The following VAX2 variants were observed in gnomAD, a reference collection of about 807,000 sequenced individuals.
The protein encoded by VAX2 is ventral anterior homeobox 2.
A neutral mutation model predicts 12.5 loss-of-function variants in VAX2; 8 were observed. The ratio of observed to expected loss-of-function variants is 0.64; its 90% CI spans 0.37 to 1.15. VAX2 has a LOEUF of 1.15. Among genes scored for constraint, VAX2 ranks in the 50% most tolerant of loss-of-function variants. The pLI is 0.01. For synonymous variants in VAX2, 183 were observed against 187.6 expected (o/e 0.98, Z 0.20); for missense variants, 476 against 412.9 (o/e 1.15, Z -1.32).
At chr2:70,916,987 C>T (rs1168486822) in intron 1 of VAX2, among the ~76,000 whole-genome samples, 1 of 151,950 alleles carries the variant, frequency 6.6e-6, no homozygotes, top group Admixed American at 6.6e-5. Context: ...CCCATCTCTA[C>T]TAAAAATACA....
rs1679453287 is a variant in VAX2 at position 70,921,303 on chromosome 2, G to C, written c.435+18G>C. 3 of 1,583,948 alleles carry C rather than the reference G, an allele frequency of 1.9e-6. No individual in the cohort carries two copies. The highest frequency in any genetic ancestry group is 2.6e-6 in the Non-Finnish European group (3 of 1,165,166). On this transcript the variant is annotated intron_variant, in intron 2 of 2. Transcript: ENST00000234392. ...AGACCCAGGTAAGAGACCAGGGCCAGGCCACTCCACTCTTGTCCTGGCAGC... is the reference window on the plus strand; with the variant it reads ...AGACCCAGGTAAGAGACCAGGGCCACGCCACTCCACTCTTGTCCTGGCAGC...
intron 2 of VAX2, among the ~76,000 whole-genome samples, chr2:70,924,995 AAC>A (rs1558661278): frequency 6.6e-6 from 1 of 152,172 alleles, no homozygotes; most frequent in South Asian, 2.1e-4. Flanking sequence ...GCAAGGGAGA[AAC>A]AGCCAGATGA....
intron 2 of VAX2, among the ~76,000 whole-genome samples, chr2:70,927,725 C>T (rs1040762055): frequency 7.2e-5 from 11 of 152,014 alleles, no homozygotes; most frequent in African/African-American, 1.2e-4. Context: ...TCCTGGTGCG[C>T]GGCCATGGAT....
At chr2:70,902,122 C>T (rs2104753863) in intron 1 of VAX2, among the ~76,000 whole-genome samples, 1 of 152,322 alleles carries the variant, frequency 6.6e-6, no homozygotes, top group African/African-American at 2.4e-5. Flanking sequence ...CTCAAGCTGA[C>T]TGGGACACCC....
intron 1 of VAX2, among the ~76,000 whole-genome samples, chr2:70,913,046 A>G (rs1275002040): frequency 1.3e-5 from 2 of 152,232 alleles, no homozygotes; most frequent in Non-Finnish European, 2.9e-5. Flanking sequence ...AGCAACTCAA[A>G]AAAAGAGGAC....
chr2:70,913,558 C>T (rs1553411505), intron 1 of VAX2, among the ~76,000 whole-genome samples: 1 of 152,016 alleles, frequency 6.6e-6, no homozygotes, highest in African/African-American at 2.4e-5. Flanking sequence ...TGCCTGTAAT[C>T]TCAACTACTC....
intron 1 of VAX2, among the ~76,000 whole-genome samples, chr2:70,908,400 GATA>G (rs1553410830): frequency 6.6e-6 from 1 of 152,106 alleles, no homozygotes; most frequent in African/African-American, 2.4e-5. Context: ...TGTCCTTCCA[GATA>G]ATGTTTATGC....
At chr2:70,930,085 G>A (rs1249419046) in intron 2 of VAX2, among the ~76,000 whole-genome samples, 1 of 152,158 alleles carries the variant, frequency 6.6e-6, no homozygotes, top group Non-Finnish European at 1.5e-5. Flanking sequence ...TGTAGTCCCA[G>A]AACTTGGGAG....
At chr2:70,909,173 T>C (rs1385998692) in intron 1 of VAX2, among the ~76,000 whole-genome samples, 2 of 152,094 alleles carry the variant, frequency 1.3e-5, no homozygotes, top group Non-Finnish European at 2.9e-5. Flanking sequence ...TGTCATTATA[T>C]TTATTTTTTA....
chr2:70,911,871 C>T (rs1347642014), intron 1 of VAX2, among the ~76,000 whole-genome samples: 5 of 152,342 alleles, frequency 3.3e-5, no homozygotes, highest in Non-Finnish European at 7.3e-5. Flanking sequence ...GTCTCTTACC[C>T]TGCAGATGCG....
intron 2 of VAX2, among the ~76,000 whole-genome samples, chr2:70,931,188 G>C (rs1553414262): frequency 6.6e-6 from 1 of 152,214 alleles, no homozygotes; most frequent in African/African-American, 2.4e-5. Context: ...AGTAGGAAGG[G>C]GTTTGGAGCA....
rs1229535223 is a variant in VAX2, at chr2:70,904,584, C to T, written c.247+3716C>T. On this transcript the variant is annotated intron_variant, in intron 1 of 2. Coordinates refer to ENST00000234392, the MANE Select transcript of VAX2 (RefSeq NM_012476.3). This position sits in a 1 kb window ranked among gnomAD's most constrained non-coding sequence, Gnocchi z 4.2. ...GCGGCCTCTCTGGGCTGACAGCCAC[C>T]CCTGCGGGTCCTCAAACCCCACTCG... is the stretch of plus-strand genomic sequence containing the variant. Among the ~76,000 whole-genome samples, 1 of 152,208 alleles carries T rather than the reference C, an allele frequency of 6.6e-6. No individual in the cohort carries two copies. The highest frequency in any genetic ancestry group is 1.5e-5 in the Non-Finnish European group (1 of 68,036).
chr2:70,918,863 CAAAA>C (rs531465293), intron 1 of VAX2, among the ~76,000 whole-genome samples: 10 of 99,424 alleles, frequency 1.0e-4, no homozygotes, highest in Admixed American at 1.2e-4. Context: ...CCAGCCGTCT[CAAAA>C]AAAAAAAAAA....
chr2:70,925,263 T>A (rs1381545988), intron 2 of VAX2, among the ~76,000 whole-genome samples: 1 of 151,898 alleles, frequency 6.6e-6, no homozygotes, highest in Non-Finnish European at 1.5e-5. Context: ...GGGAAAGGAG[T>A]GGACAGGTGT....
chr2:70,921,089 C>G lies in VAX2; in HGVS notation c.248-9C>G, dbSNP rs201783271. 9.2e-5 allele frequency: 146 copies of G among 1,579,434 alleles called. No homozygotes were observed. The East Asian group carries it at 3.2e-3, about 34-fold the overall frequency. On this transcript the variant is annotated splice_polypyrimidine_tract_variant and intron_variant, in intron 1 of 2. Coordinates refer to ENST00000234392, the MANE Select transcript of VAX2 (RefSeq NM_012476.3). ...TGAACTAAGCTGGCTCCTTTCATGG[C>G]CTCTGCAGATGCCAAAGGGACAATT...
chr2:70,914,285 T>C (rs1229936592), intron 1 of VAX2, among the ~76,000 whole-genome samples: 1 of 152,050 alleles, frequency 6.6e-6, no homozygotes, highest in Non-Finnish European at 1.5e-5. Flanking sequence ...CTGTCTCTAC[T>C]AAAAAATTAC....
chr2:70,906,434 G>C (rs1553410593), intron 1 of VAX2, among the ~76,000 whole-genome samples: 1 of 151,788 alleles, frequency 6.6e-6, no homozygotes, highest in African/African-American at 2.4e-5. Flanking sequence ...GGAGGCTTGG[G>C]CTTGTAAAGG....
At chr2:70,917,024 G>A (rs1025029041) in intron 1 of VAX2, among the ~76,000 whole-genome samples, 3 of 151,898 alleles carry the variant, frequency 2.0e-5, no homozygotes, top group South Asian at 2.1e-4. Context: ...GGTGGCAGGC[G>A]CCTGTAATCC....
In VAX2 at chr2:70,932,948, G is replaced by T. The variant is rs1367597014; in HGVS notation, c.617G>T (p.Ser206Ile). The change falls in exon 3 of 3, where the codon AGC (serine) becomes ATC (isoleucine). Residue 206 changes from serine (S) to isoleucine (I), a missense_variant. Ser to Ile is a moderately radical substitution (Grantham distance 142). Transcript: ENST00000234392. ...CCTAGCCTCCTGGCGCTGACCCCTA[G>T]CCTGCCAGGCCTACCTGCCAGCCAC... ...RAPSLLALTP[S>I]LPGLPASHRG... 19 of 1,612,114 alleles carry T rather than the reference G, an allele frequency of 1.2e-5. No individual in the cohort carries two copies. Among genetic ancestry groups the T allele is most frequent in the Non-Finnish European group, 1.6e-5 (19 of 1,179,260 alleles).
Sources: allele counts gnomAD v4.1 joint callset (sites outside exome capture counted in the v4.1 genomes callset), GRCh38; gene constraint gnomAD v4.1.1; non-coding constraint Gnocchi (gnomAD v3.1); transcripts MANE v1.5; gene names NCBI Gene and HGNC (gene_info 2026-07-23, HGNC 2026-07-21).